Variants in BCAR1 observed in about 807,000 individuals in gnomAD.
BCAR1 encodes the protein BCAR1 scaffold protein, Cas family member.
Under a neutral mutation model 67.6 loss-of-function variants are expected in BCAR1, and 30 were observed. The observed-to-expected ratio is 0.44, with a 90% CI of 0.33 to 0.60. The LOEUF (loss-of-function observed/expected upper bound fraction) is 0.60, where lower values mean the gene tolerates loss of function less well. Ranked by LOEUF, BCAR1 falls within the 20% of genes least tolerant of loss-of-function variation. BCAR1 has a pLI of 0.02. For synonymous variants in BCAR1, 626 were observed against 556.7 expected, an observed-to-expected ratio of 1.12 and a Z score of -1.75; for missense variants, 1,313 against 1,222.3, an observed-to-expected ratio of 1.07 and a Z score of -1.11.
chr16:75,236,273 G>A (rs894319903), intron 4 of BCAR1: 6 of 490,910 alleles, frequency 1.2e-5, no homozygotes, highest in African/African-American at 2.0e-5. Context: ...TGTGCCTGAA[G>A]GTGGGAGAGC....
At chr16:75,247,352 AC>A (rs2077551069) in intron 1 of BCAR1, 1 of 152,862 alleles carries the variant, frequency 6.5e-6, no homozygotes, top group African/African-American at 2.4e-5. Context: ...GACTGACAGG[AC>A]TGCCCCACAC....
chr16:75,237,379 A>T, intron 2 of BCAR1, 35 bp from the exon 3 acceptor site: 1 of 1,430,454 alleles, frequency 7.0e-7, no homozygotes, highest in Non-Finnish European at 9.2e-7. Flanking sequence ...TGCTGCCCTC[A>T]AACCAGCCCT....
chr16:75,248,821 G>A (rs905753625), intron 1 of BCAR1: 8 of 152,638 alleles, frequency 5.2e-5, no homozygotes, highest in Non-Finnish European at 1.2e-4. Context: ...AGCCCCACGC[G>A]TGACACTCAG....
intron 1 of BCAR1, among the ~76,000 whole-genome samples, chr16:75,262,402 C>A (rs1377290074): frequency 6.6e-6 from 1 of 152,194 alleles, no homozygotes; most frequent in African/African-American, 2.4e-5. Context: ...TGGCAGACGG[C>A]GCCGGGAAGG....
rs2076777377 is a variant in BCAR1 at position 75,228,358 on chromosome 16, C to T, written c.*1153G>A. On this transcript the variant is annotated 3_prime_UTR_variant, in exon 7 of 7. Transcript: ENST00000162330. Reference sequence around the variant, plus strand: ...CCCTTCTTCATACAGATGGGGAAACCAAGGCCCATGTTCATATGCAGAACG... The same window carrying T: ...CCCTTCTTCATACAGATGGGGAAACTAAGGCCCATGTTCATATGCAGAACG... The T allele has an allele frequency of 4.6e-5, 7 of 152,252 alleles. No individual in the cohort carries two copies. The East Asian group carries it at 7.8e-4, about 17-fold the overall frequency. 9.4% of individuals were successfully genotyped at this position (152,252 alleles called of 1,614,324 possible). A position where few individuals can be genotyped will look rare whatever the true frequency, so the allele number is the denominator to read the frequency against.
At chr16:75,262,602 C>T (rs2077929532) in intron 1 of BCAR1, among the ~76,000 whole-genome samples, 2 of 152,196 alleles carry the variant, frequency 1.3e-5, no homozygotes, top group Admixed American at 1.3e-4. Context: ...TCATCCCACT[C>T]TCTCTGTCCA....
intron 5 of BCAR1, 108 bp from the exon 6 acceptor site, chr16:75,234,043 G>C: frequency 9.6e-7 from 1 of 1,039,254 alleles, no homozygotes. Context: ...GTGGTGCTGC[G>C]TGTGCGCGCA....
rs896804672 is a variant in BCAR1 at position 75,251,041 on chromosome 16, G to C, written c.12+430C>G. On this transcript the variant is annotated intron_variant, in intron 1 of 6. Transcript: ENST00000162330. Reference sequence around the variant, plus strand: ...GGTCCCCCGGAGCTCCTCCCTCTCCGGGAGCCGGTGGGCAGTCCCCACGCC... The same window carrying C: ...GGTCCCCCGGAGCTCCTCCCTCTCCCGGAGCCGGTGGGCAGTCCCCACGCC... 6 of 939,762 alleles carry C rather than the reference G, an allele frequency of 6.4e-6. No individual in the cohort carries two copies. The South Asian group carries it at 1.5e-4, about 23-fold the overall frequency. 58.2% of individuals were successfully genotyped at this position (939,762 alleles called of 1,614,324 possible). A position where few individuals can be genotyped will look rare whatever the true frequency, so the allele number is the denominator to read the frequency against.
At chr16:75,245,103 G>A (rs1370547986) in intron 1 of BCAR1, among the ~76,000 whole-genome samples, 2 of 152,266 alleles carry the variant, frequency 1.3e-5, no homozygotes, top group African/African-American at 2.4e-5. Flanking sequence ...ACAGAGGAGC[G>A]GGAGGGCGGG....
intron 1 of BCAR1, among the ~76,000 whole-genome samples, chr16:75,258,128 C>T (rs529977429): frequency 2.0e-5 from 3 of 152,342 alleles, no homozygotes; most frequent in Admixed American, 2.0e-4. Flanking sequence ...ACTGGCCCCA[C>T]CCCGCTGGGC....
Position 75,242,764 on chromosome 16 carries a change from G to A in BCAR1, c.339C>T (p.Ser113=), listed in dbSNP as rs1469761806. The stretch of plus-strand genomic sequence containing the variant: ...TGCTGGGAGTGGGCACCAGGTAGAC[G>A]CTGTCTGGCTGGGGCTGGTAGGTGT... ...LPNTYQPQPD[S]VYLVPTPSKA... Residue 113 remains serine, a synonymous_variant, in exon 2 of 7, where the codon AGC becomes AGT. Transcript: ENST00000162330. 5.6e-6 allele frequency: 9 copies of A among 1,595,102 alleles called. No individual in the cohort carries two copies. Among genetic ancestry groups the A allele is most frequent in the Middle Eastern group, 4.2e-4 (2 of 4,738 alleles).
chr16:75,249,410 C>T (rs965373902), intron 1 of BCAR1: 8 of 152,224 alleles, frequency 5.3e-5, no homozygotes, highest in Non-Finnish European at 8.8e-5. Context: ...CTCCTGTGCT[C>T]GGAGGGCCAG....
intron 4 of BCAR1, 129 bp from the exon 5 acceptor site, chr16:75,236,115 C>A: frequency 8.7e-7 from 1 of 1,144,142 alleles, no homozygotes. Context: ...GGCACGCGCA[C>A]ACACACAGGC....
rs373463514 is a variant in BCAR1, at chr16:75,229,663, C to T, written c.2461G>A (p.Asp821Asn). 93 of 1,612,846 alleles carry T rather than the reference C, an allele frequency of 5.8e-5. No individual in the cohort carries two copies. Among genetic ancestry groups the T allele is most frequent in the East Asian group, 6.7e-5 (3 of 44,870 alleles). The change falls in exon 7 of 7, where the codon GAC becomes AAC. Residue 821 changes from aspartate (D) to asparagine (N), a missense_variant. This residue lies in a region of BCAR1 where 1,272 missense variants were observed against 1,137.5 expected (regional missense o/e 1.12). Transcript: ENST00000162330. ...QVTHYSNLLC[D>N]LLRGIVATTK... is the part of the protein sequence containing the mutation. ...GTGGCCACGATGCCGCGCAGGAGGT[C>T]GCACAGCAGGTTGCTGTAGTGGGTC...
At chr16:75,256,210 C>A (rs1303769079), upstream of BCAR1, 1 of 152,442 alleles carries the variant, frequency 6.6e-6, no homozygotes, top group East Asian at 1.9e-4. Flanking sequence ...CCTTCCACCT[C>A]ATAACCCAGG....
At chr16:75,257,085 C>T (rs886709194) in intron 1 of BCAR1, among the ~76,000 whole-genome samples, 2 of 152,184 alleles carry the variant, frequency 1.3e-5, no homozygotes, top group African/African-American at 4.8e-5. Flanking sequence ...GCTCTGTCCT[C>T]GTCCTCAGAG....
chr16:75,266,588 G>A, intron 1 of BCAR1: 1 of 586,872 alleles, frequency 1.7e-6, no homozygotes, highest in Non-Finnish European at 2.5e-6. Context: ...ATCTACCATG[G>A]TGCCCACACA....
At chr16:75,238,949 T>C (rs926101963) in intron 2 of BCAR1, 1 of 985,214 alleles carries the variant, frequency 1.0e-6, no homozygotes, top group Non-Finnish European at 1.2e-6. Context: ...GCAGGAGGGA[T>C]GAGCATCCTC....
intron 1 of BCAR1, chr16:75,266,683 T>C: frequency 7.6e-7 from 1 of 1,321,584 alleles, no homozygotes; most frequent in Admixed American, 2.8e-5. Flanking sequence ...CCCCGTTACA[T>C]TTCATAGGCC....
Sources: gnomAD v4.1 joint callset for allele counts (sites outside exome capture counted in the v4.1 genomes callset) on GRCh38, gnomAD v4.1.1 for gene constraint, gnomAD v4.1.1 regional missense constraint, MANE v1.5 for transcripts, NCBI Gene and HGNC (gene_info 2026-07-23, HGNC 2026-07-21) for gene names.